The following MDC1 variants were observed in gnomAD, a reference collection of about 807,000 sequenced individuals.
The protein encoded by MDC1 is mediator of DNA damage checkpoint 1, also known as mediator of DNA damage checkpoint protein 1.
Under a neutral mutation model 142.5 loss-of-function variants are expected in MDC1, and 81 were observed. The observed-to-expected ratio is 0.57, with a 90% CI of 0.47 to 0.68. MDC1 has a LOEUF of 0.68. Ranked by LOEUF, MDC1 falls within the 30% of genes least tolerant of loss-of-function variation. MDC1 has a pLI of 0.00. For missense variants in MDC1, 2,119 were observed against 2,547.9 expected (o/e 0.83, Z 3.62); for synonymous variants, 797 against 968.4 (o/e 0.82, Z 3.29).
At chr6:30,708,855 CA>C (rs59939040) in intron 7 of MDC1, among the ~76,000 whole-genome samples, 4,134 of 55,216 alleles carry the variant, frequency 0.075, 51 homozygotes, top group African/African-American at 0.16. Context: ...GACTCTGTCT[CA>C]AAAAAAAAAA....
chr6:30,701,757 A>T (rs1456584399), intron 14 of MDC1, among the ~76,000 whole-genome samples: 1 of 152,194 alleles, frequency 6.6e-6, no homozygotes, highest in Non-Finnish European at 1.5e-5. Context: ...GCAAATGACC[A>T]ATAAACTACT....
rs773213534 is a variant in MDC1, at chr6:30,714,167, G to A, written c.153C>T (p.Leu51=). Residue 51 remains leucine (L), a synonymous_variant, in exon 3 of 15, where the codon CTC becomes CTT. Coordinates refer to ENST00000376406, the MANE Select transcript of MDC1 (RefSeq NM_014641.3). ...GCATTCGGCCTACCACATTCTTCCC[G>A]AGGTGTAGTGGGAAATCTAAGAATT... ...HGPEKDFPLH[L]GKNVVGRMPD... is the part of the protein sequence containing the mutation. 20 of 1,608,610 alleles carry A rather than the reference G, an allele frequency of 1.2e-5. No individual in the cohort carries two copies. Among genetic ancestry groups the A allele is most frequent in the African/African-American group, 9.3e-5 (7 of 74,888 alleles).
intron 9 of MDC1, among the ~76,000 whole-genome samples, chr6:30,706,771 T>G (rs1225696642): frequency 6.6e-6 from 1 of 151,016 alleles, no homozygotes; most frequent in East Asian, 2.0e-4. Context: ...CACTCCAGCC[T>G]GGGTGACAGA....
At position 30,713,022 on chromosome 6, in the gene MDC1, C is replaced by A; in HGVS notation, c.920G>T (p.Ser307Ile). 6.2e-7 allele frequency: 1 copy of A among 1,612,654 alleles called. No homozygotes were observed. Among genetic ancestry groups the A allele is most frequent in the South Asian group, 1.1e-5 (1 of 91,048 alleles). Residue 307 changes from serine to isoleucine, a missense_variant, in exon 5 of 15, where the codon AGC (serine) becomes ATC (isoleucine). Ser to Ile is a moderately radical substitution (Grantham distance 142). Transcript: ENST00000376406. This position sits in a 1 kb window ranked among gnomAD's most constrained non-coding sequence, Gnocchi z 4.9. ...CTCAGCTGGCCTTCCAGGAGGCCTG[C>A]TGTCATCATCCACATCTGTGTCACT... ...EDSDTDVDDD[S>I]RPPGRPAEVH... is the part of the protein sequence containing the mutation.
At position 30,713,282 on chromosome 6, in the gene MDC1, T is replaced by A; in HGVS notation, c.660A>T (p.Thr220=). The change falls in exon 5 of 15, where the codon ACA becomes ACT. Residue 220 remains threonine, a synonymous_variant. Transcript: ENST00000376406. This position sits in a 1 kb window ranked among gnomAD's most constrained non-coding sequence, Gnocchi z 4.9. ...CTGGTTGCTGACCTTCTTCCACATC[T>A]GTGTCACTGTTCAAATTGAAGGCAA... ...PPFAFNLNSD[T]DVEEGQQPAT... 2 of 1,612,714 alleles carry A rather than the reference T, an allele frequency of 1.2e-6. No homozygotes were observed. The highest frequency in any genetic ancestry group is 1.7e-6 in the Non-Finnish European group (2 of 1,179,956).
At position 30,714,138 on chromosome 6, in the gene MDC1, T is replaced by A; in HGVS notation, c.182A>T (p.Asp61Val). Reference sequence around the variant, plus strand: ...TGGAAAGGGCAGGGCCACAGAGCAGTCAGGCATTCGGCCTACCACATTCTT... The same window carrying A: ...TGGAAAGGGCAGGGCCACAGAGCAGACAGGCATTCGGCCTACCACATTCTT... ...LGKNVVGRMPDCSVALPFPSI... is the reference protein window; with the variant it reads ...LGKNVVGRMPVCSVALPFPSI... Residue 61 changes from aspartate (D) to valine (V), a missense_variant, in exon 3 of 15, where the codon GAC becomes GTC. Coordinates refer to ENST00000376406, the MANE Select transcript of MDC1 (RefSeq NM_014641.3). 6.2e-7 allele frequency: 1 copy of A among 1,611,816 alleles called. No homozygotes were observed. Among genetic ancestry groups the A allele is most frequent in the Non-Finnish European group, 8.5e-7 (1 of 1,179,986 alleles).
Position 30,715,294 on chromosome 6 carries a change from C to T in MDC1, c.-3-116G>A. The T allele has an allele frequency of 8.9e-7, 1 of 1,117,566 alleles. No individual in the cohort carries two copies. Among genetic ancestry groups the T allele is most frequent in the Non-Finnish European group, 1.3e-6 (1 of 757,666 alleles). 69.2% of individuals were successfully genotyped at this position (1,117,566 alleles called of 1,614,324 possible). On this transcript the variant is annotated intron_variant, in intron 1 of 14. Coordinates refer to ENST00000376406, the MANE Select transcript of MDC1 (RefSeq NM_014641.3). This position sits in a 1 kb window ranked among gnomAD's most constrained non-coding sequence, Gnocchi z 4.1. ...GATCATTATGAACGTTGATGCTTCT[C>T]TTTCCACCAATCTTTCTGTTGTTAA...
chr6:30,713,491 C>T lies in MDC1; in HGVS notation c.588-137G>A. 1.6e-6 allele frequency: 2 copies of T among 1,258,100 alleles called. No homozygotes were observed. Among genetic ancestry groups the T allele is most frequent in the Non-Finnish European group, 2.2e-6 (2 of 925,406 alleles). The allele number at this position is 1,258,100 out of a possible 1,614,324, so 77.9% of individuals were successfully genotyped here. A position where few individuals can be genotyped will look rare whatever the true frequency, so the allele number is the denominator to read the frequency against. On this transcript the variant is annotated intron_variant, in intron 4 of 14. Transcript: ENST00000376406. This position sits in a 1 kb window ranked among gnomAD's most constrained non-coding sequence, Gnocchi z 4.9. ...TTTCCAATTTGTTTTCCACTTGGCA[C>T]ATCAGATGTGCTCCATAAAAATTCA...
At position 30,702,617 on chromosome 6, in the gene MDC1, T is replaced by C; in HGVS notation, c.6038A>G (p.Gln2013Arg). ...VTPGVQPPPP[Q>R]MGEIISCCGG... Reference sequence around the variant, plus strand: ...ACAGCAGCTAATAATCTCTCCCATCTGAGGTGGTGGTGGCTGGACTCCAGG... The same window carrying C: ...ACAGCAGCTAATAATCTCTCCCATCCGAGGTGGTGGTGGCTGGACTCCAGG... The change falls in exon 14 of 15, where the codon CAG becomes CGG. Residue 2013 changes from glutamine (Q) to arginine (R), a missense_variant. Transcript: ENST00000376406. 2 of 1,611,654 alleles carry C rather than the reference T, an allele frequency of 1.2e-6. No homozygotes were observed. Among genetic ancestry groups the C allele is most frequent in the Non-Finnish European group, 1.7e-6 (2 of 1,179,338 alleles).
chr6:30,705,109 G>A lies in MDC1; in HGVS notation c.4074C>T (p.Ser1358=). 1 of 1,613,296 alleles carries A rather than the reference G, an allele frequency of 6.2e-7. No homozygotes were observed. The highest frequency in any genetic ancestry group is 8.5e-7 in the Non-Finnish European group (1 of 1,179,840). ...CAGTTGATTCAGGGTTCTTCACAGA[G>A]GACATATTTGTCCTGCTCCTAGTGG... The part of the protein sequence containing the change: ...SRTTRSRTNM[S]SVKNPESTVP... The change falls in exon 10 of 15, where the codon TCC becomes TCT. Residue 1358 remains serine (S), a synonymous_variant. Transcript: ENST00000376406.
At chr6:30,710,300 G>T (rs1186997797) in intron 7 of MDC1, among the ~76,000 whole-genome samples, 1 of 152,148 alleles carries the variant, frequency 6.6e-6, no homozygotes, top group Non-Finnish European at 1.5e-5. Flanking sequence ...TGTTGGCCAG[G>T]CTGGTCTCAA....
chr6:30,707,223 G>T (rs148346088), intron 9 of MDC1, among the ~76,000 whole-genome samples, 161 bp downstream of exon 9: 105 of 152,230 alleles, frequency 6.9e-4, no homozygotes, highest in African/African-American at 2.3e-3. Flanking sequence ...GAAAACAACG[G>T]GTGCCGAGGA....
At position 30,705,549 on chromosome 6, in the gene MDC1, A is replaced by G. The variant is rs2127678301; in HGVS notation, c.3634T>C (p.Ser1212Pro). 1 of 1,606,738 alleles carries G rather than the reference A, an allele frequency of 6.2e-7. No homozygotes were observed. Among genetic ancestry groups the G allele is most frequent in the Non-Finnish European group, 8.5e-7 (1 of 1,176,796 alleles). ...GTGACAGGTCGGTCGGTGGAGGTGG[A>G]AGGCTGGAGCTCAAGGGCTGTGGGC... is the stretch of plus-strand genomic sequence containing the variant. The part of the protein sequence containing the change: ...VVPTALELQP[S>P]TSTDRPVTSE... Residue 1212 changes from serine (S) to proline (P), a missense_variant, in exon 10 of 15, where the codon TCC becomes CCC. Physicochemically the swap from Ser to Pro is moderately conservative, Grantham distance 74. Coordinates refer to ENST00000376406, the MANE Select transcript of MDC1 (RefSeq NM_014641.3).
chr6:30,711,149 C>T (rs943665733), intron 7 of MDC1, among the ~76,000 whole-genome samples: 8 of 152,144 alleles, frequency 5.3e-5, no homozygotes, highest in African/African-American at 1.9e-4. Flanking sequence ...CCGAGGCAGG[C>T]GGATCACTTG....
chr6:30,704,156 G>A lies in MDC1; in HGVS notation c.5027C>T (p.Ala1676Val). The change falls in exon 10 of 15, where the codon GCT (alanine) becomes GTT (valine). Residue 1676 changes from alanine to valine, a missense_variant. Transcript: ENST00000376406. ...CAGTGTTTTGCTCTGACCACCCTGA[G>A]CTATGGCCTCAGGGGTGACGGACTG... The part of the protein sequence containing the change: ...TDQSVTPEAI[A>V]QGGQSKTLRS... 6.2e-7 allele frequency: 1 copy of A among 1,613,788 alleles called. No individual in the cohort carries two copies. Among genetic ancestry groups the A allele is most frequent in the Non-Finnish European group, 8.5e-7 (1 of 1,179,788 alleles).
chr6:30,713,320 G>A lies in MDC1; in HGVS notation c.622C>T (p.Leu208Phe). 1.9e-6 allele frequency: 3 copies of A among 1,591,338 alleles called. No individual in the cohort carries two copies. The highest frequency in any genetic ancestry group is 2.3e-5 in the South Asian group (2 of 88,242). ...AAATTGAAGGCAAAAGGCGGCCCAA[G>A]GCCGCCCAGGACCGGGGAATGCCCC... ...EEGHSPVLGG[L>F]GPPFAFNLNS... The change falls in exon 5 of 15, where the codon CTT (leucine) becomes TTT (phenylalanine). Residue 208 changes from leucine (L) to phenylalanine (F), a missense_variant. Coordinates refer to ENST00000376406, the MANE Select transcript of MDC1 (RefSeq NM_014641.3). This position sits in a 1 kb window ranked among gnomAD's most constrained non-coding sequence, Gnocchi z 4.9.
rs1027285682 is a variant in MDC1 at position 30,712,346 on chromosome 6, C to T, written c.1596G>A (p.Gly532=). Residue 532 remains glycine (G), a synonymous_variant, in exon 5 of 15, where the codon GGG becomes GGA. Coordinates refer to ENST00000376406, the MANE Select transcript of MDC1 (RefSeq NM_014641.3). The surrounding 1 kb of genome is among the most constrained non-coding windows in gnomAD (Gnocchi z 4.7). The stretch of plus-strand genomic sequence containing the variant: ...GCTTCTTTATATGTATAATGGCTGA[C>T]CCTGGCGGGACTTCCTTCTCCACTT... The part of the protein sequence containing the change: ...NTQVEKEVPP[G]SAIIHIKKHQ... 1.9e-6 allele frequency: 3 copies of T among 1,613,072 alleles called. No homozygotes were observed. The highest frequency in any genetic ancestry group is 2.5e-6 in the Non-Finnish European group (3 of 1,180,046).
In MDC1 at chr6:30,712,538, T is replaced by C. The variant is rs1775065435; in HGVS notation, c.1404A>G (p.Glu468=). The change falls in exon 5 of 15, where the codon GAA becomes GAG. Residue 468 remains glutamate (E), a synonymous_variant. Transcript: ENST00000376406. The surrounding 1 kb of genome is among the most constrained non-coding windows in gnomAD (Gnocchi z 4.7). ...TCTTTGTGTGATCCTTGAGGACAGC[T>C]TCTCTATTTTCCACTGGGAGCTCTT... ...EEEELPVENR[E]AVLKDHTKIR... 6.2e-7 allele frequency: 1 copy of C among 1,613,088 alleles called. No individual in the cohort carries two copies. Among genetic ancestry groups the C allele is most frequent in the Non-Finnish European group, 8.5e-7 (1 of 1,180,024 alleles).
rs750975684 is a variant in MDC1, at chr6:30,711,394, G to A, written c.2221+18C>T. 2 of 1,602,174 alleles carry A rather than the reference G, an allele frequency of 1.2e-6. No homozygotes were observed. Among genetic ancestry groups the A allele is most frequent in the East Asian group, 2.2e-5 (1 of 44,842 alleles). On this transcript the variant is annotated intron_variant, in intron 7 of 14. Coordinates refer to ENST00000376406, the MANE Select transcript of MDC1 (RefSeq NM_014641.3). The stretch of plus-strand genomic sequence containing the variant: ...AATGCAGAATTGGGGACACAGAGGA[G>A]GGAAGAGTTTCTTATACCTGTTGTC...
Sources: allele counts gnomAD v4.1 joint callset (sites outside exome capture counted in the v4.1 genomes callset), GRCh38; gene constraint gnomAD v4.1.1; non-coding constraint Gnocchi (gnomAD v3.1); transcripts MANE v1.5; gene names NCBI Gene and HGNC (gene_info 2026-07-23, HGNC 2026-07-21).